RANBP2: variants seen among roughly 807,000 people sequenced by gnomAD.
The protein encoded by RANBP2 is E3 SUMO-protein ligase RanBP2.
In RANBP2, 57 loss-of-function variants were observed where a neutral mutation model predicts 303.6. The ratio of observed to expected loss-of-function variants is 0.19; its 90% confidence interval spans 0.15 to 0.23. The LOEUF is 0.23. Ranked by LOEUF, RANBP2 falls within the 10% of genes least tolerant of loss-of-function variation. RANBP2 has a pLI of 1.00. For missense variants in RANBP2, 3,138 were observed against 3,780.8 expected, an observed-to-expected ratio of 0.83 and a Z score of 4.46; for synonymous variants, 1,167 against 1,301.5, an observed-to-expected ratio of 0.90 and a Z score of 2.23.
the RANBP2 span, among the ~76,000 whole-genome samples, chr2:109,022,531 G>T: frequency 2.6e-5 from 4 of 152,172 alleles, no homozygotes. Context: ...TTTCTCAATT[G>T]TAAGTGGGAG....
At chr2:109,443,057 A>G in the RANBP2 span, among the ~76,000 whole-genome samples, 32 of 152,396 alleles carry the variant, frequency 2.1e-4, no homozygotes, top group African/African-American at 7.5e-4. Flanking sequence ...CATGGTAGTT[A>G]CATTCTATGA....
chr2:108,791,854 A>G, the RANBP2 span: 34 of 1,500,070 alleles, frequency 2.3e-5, no homozygotes, highest in South Asian at 1.3e-5. Context: ...TGTCAAGTAG[A>G]GTAAATGAAG....
the RANBP2 span, among the ~76,000 whole-genome samples, chr2:109,688,297 G>A: frequency 6.6e-6 from 1 of 152,208 alleles, no homozygotes; most frequent in Non-Finnish European, 1.5e-5. Context: ...ACAAGCTGCT[G>A]TATAGACTGG....
chr2:109,479,808 C>T, the RANBP2 span, among the ~76,000 whole-genome samples: 7 of 152,318 alleles, frequency 4.6e-5, no homozygotes, highest in African/African-American at 1.7e-4. Flanking sequence ...CGCAGACCCC[C>T]AAAACCATCC....
chr2:109,350,703 C>T, the RANBP2 span, among the ~76,000 whole-genome samples: 2 of 152,358 alleles, frequency 1.3e-5, no homozygotes, highest in South Asian at 2.1e-4. Context: ...CCATGCCTGG[C>T]ATGCAGCTGA....
chr2:109,591,260 A>G, the RANBP2 span, among the ~76,000 whole-genome samples: 1 of 152,218 alleles, frequency 6.6e-6, no homozygotes, highest in Non-Finnish European at 1.5e-5. Context: ...CTTATTACAT[A>G]AAAGTTGAAC....
At chr2:109,332,477 G>T in the RANBP2 span, among the ~76,000 whole-genome samples, 1 of 152,198 alleles carries the variant, frequency 6.6e-6, no homozygotes, top group Non-Finnish European at 1.5e-5. Context: ...GCAGCACAAG[G>T]CTCCTTTGCT....
the RANBP2 span, among the ~76,000 whole-genome samples, chr2:109,150,220 G>A: frequency 0.38 from 57,679 of 152,066 alleles, 14,086 homozygotes; most frequent in Non-Finnish European, 0.54. Context: ...CAGGTAAAGA[G>A]GGAGGAAGAG....
chr2:109,051,428 C>A, the RANBP2 span, among the ~76,000 whole-genome samples: 1 of 152,196 alleles, frequency 6.6e-6, no homozygotes, highest in Non-Finnish European at 1.5e-5. Flanking sequence ...AAGGGAATTT[C>A]TCCACCTCCT....
chr2:109,137,207 T>C, the RANBP2 span, among the ~76,000 whole-genome samples: 2 of 152,264 alleles, frequency 1.3e-5, no homozygotes, highest in African/African-American at 4.8e-5. Context: ...GATTTGGGGC[T>C]TAGTGAGTTT....
At chr2:108,756,546 T>G (rs1454926866) in intron 17 of RANBP2, among the ~76,000 whole-genome samples, 1 of 152,210 alleles carries the variant, frequency 6.6e-6, no homozygotes, top group Admixed American at 6.5e-5. Context: ...GGGAAGACAT[T>G]TTTGAATTTG....
At chr2:109,405,695 A>C in the RANBP2 span, among the ~76,000 whole-genome samples, 1 of 152,068 alleles carries the variant, frequency 6.6e-6, no homozygotes. Flanking sequence ...GCAGCTTTCT[A>C]TGGCCCCATG....
At chr2:109,135,458 T>C in the RANBP2 span, among the ~76,000 whole-genome samples, 1 of 152,376 alleles carries the variant, frequency 6.6e-6, no homozygotes, top group South Asian at 2.1e-4. Context: ...TGCTATCTGC[T>C]TCTTAGATAA....
chr2:109,473,532 C>T, the RANBP2 span, among the ~76,000 whole-genome samples: 2 of 152,098 alleles, frequency 1.3e-5, no homozygotes, highest in Non-Finnish European at 2.9e-5. Flanking sequence ...AGGGTTAGAG[C>T]GACAGAGAGG....
the RANBP2 span, among the ~76,000 whole-genome samples, chr2:109,694,801 ATGTGTGTGTG>A: frequency 2.0e-3 from 298 of 146,280 alleles, no homozygotes; most frequent in East Asian, 6.6e-3. Context: ...ATCCATAGGG[ATGTGTGTGTG>A]TGTGTGTGTG....
At chr2:109,650,625 A>G in the RANBP2 span, among the ~76,000 whole-genome samples, 65 of 152,104 alleles carry the variant, frequency 4.3e-4, no homozygotes, top group African/African-American at 1.5e-3. Flanking sequence ...TGTGGGAGGG[A>G]CCCAGTGGGA....
chr2:109,650,517 A>G, the RANBP2 span, among the ~76,000 whole-genome samples: 1 of 152,126 alleles, frequency 6.6e-6, no homozygotes, highest in Non-Finnish European at 1.5e-5. Flanking sequence ...CTCCTTACCA[A>G]TCTGTCACCA....
chr2:109,239,105 GAC>G, the RANBP2 span, among the ~76,000 whole-genome samples: 1 of 152,218 alleles, frequency 6.6e-6, no homozygotes. Context: ...AGACGTCCAA[GAC>G]ACGTCTTTTC....
At chr2:109,764,572 CAAG>C in the RANBP2 span, among the ~76,000 whole-genome samples, 1 of 149,346 alleles carries the variant, frequency 6.7e-6, no homozygotes, top group South Asian at 2.2e-4. Flanking sequence ...GAAATTAAGA[CAAG>C]AACACACATG....
Sources: allele counts gnomAD v4.1 joint callset (sites outside exome capture counted in the v4.1 genomes callset), GRCh38; gene constraint gnomAD v4.1.1; transcripts MANE v1.5; gene names NCBI Gene and HGNC (gene_info 2026-07-23, HGNC 2026-07-21).